The following SPINK5 variants were observed in gnomAD, a reference collection of about 807,000 sequenced individuals.
SPINK5 encodes serine peptidase inhibitor Kazal type 5.
Under a neutral mutation model 151.8 loss-of-function variants are expected in SPINK5, and 125 were observed. The observed-to-expected ratio is 0.82, with a 90% CI of 0.71 to 0.96. The LOEUF is 0.96. SPINK5 is among the 40% of genes least tolerant of loss of function. The probability of loss-of-function intolerance (pLI) is 0.00; values close to 1 mark genes in which losing one functional copy is unlikely to be tolerated. For missense variants in SPINK5, 1,194 were observed against 1,291.9 expected (o/e 0.92, Z 1.16); for synonymous variants, 374 against 395.3 (o/e 0.95, Z 0.64).
intron 9 of SPINK5, 98 bp downstream of exon 9, chr5:148,094,579 G>A (rs1581073601): frequency 6.3e-7 from 1 of 1,596,102 alleles, no homozygotes; most frequent in East Asian, 2.3e-5. Flanking sequence ...AAGCTTTGTT[G>A]TTGAGAACCA....
At chr5:148,114,797 G>A (rs139311494) in intron 21 of SPINK5, among the ~76,000 whole-genome samples, 1 of 151,988 alleles carries the variant, frequency 6.6e-6, no homozygotes, top group Non-Finnish European at 1.5e-5. Flanking sequence ...GGATTATCTC[G>A]CAACTCATGT....
intron 1 of SPINK5, among the ~76,000 whole-genome samples, chr5:148,064,697 T>C (rs1432841135): frequency 6.6e-6 from 1 of 152,104 alleles, no homozygotes; most frequent in Non-Finnish European, 1.5e-5. Flanking sequence ...CTTACGTTGC[T>C]CTGAAACATT....
At chr5:148,102,378 C>T (rs80254825) in intron 15 of SPINK5, among the ~76,000 whole-genome samples, 2,679 of 152,146 alleles carry the variant, frequency 0.018, 85 homozygotes, top group African/African-American at 0.061. Context: ...AAAAGTAAAT[C>T]GTAAATGTCC....
At chr5:148,135,853 C>A (rs1443830694) in intron 32 of SPINK5, among the ~76,000 whole-genome samples, 2 of 152,116 alleles carry the variant, frequency 1.3e-5, no homozygotes, top group African/African-American at 4.8e-5. Flanking sequence ...TATCTTGGAA[C>A]CCACTCTTTT....
intron 13 of SPINK5, among the ~76,000 whole-genome samples, chr5:148,100,914 G>A (rs1753624789): frequency 6.6e-6 from 1 of 152,186 alleles, no homozygotes. Flanking sequence ...CAGGTTCCAA[G>A]TGGATGCCAG....
chr5:148,121,829 A>G (rs544153960), intron 26 of SPINK5, among the ~76,000 whole-genome samples: 1 of 151,938 alleles, frequency 6.6e-6, no homozygotes, highest in Admixed American at 6.6e-5. Context: ...ATAGCCAGGC[A>G]TGATGGTGCA....
At chr5:148,120,766 G>T (rs140192747) in intron 26 of SPINK5, among the ~76,000 whole-genome samples, 10 of 152,204 alleles carry the variant, frequency 6.6e-5, no homozygotes, top group South Asian at 2.1e-4. Flanking sequence ...ATGAGCCATC[G>T]CACTCTGCTG....
intron 4 of SPINK5, 148 bp downstream of exon 4, chr5:148,072,368 G>T (rs1752762754): frequency 8.7e-6 from 7 of 800,474 alleles, no homozygotes. Context: ...CCAGGGGTGG[G>T]CTAAATATCT....
chr5:148,095,259 T>C (rs571461894), intron 9 of SPINK5, among the ~76,000 whole-genome samples: 5 of 152,008 alleles, frequency 3.3e-5, no homozygotes, highest in Non-Finnish European at 5.9e-5. Context: ...CAGTCTTTTC[T>C]ACCAGCCTCA....
intron 5 of SPINK5, 105 bp downstream of exon 5, chr5:148,086,637 A>T: frequency 1.4e-6 from 2 of 1,438,946 alleles, no homozygotes; most frequent in Non-Finnish European, 1.9e-6. Context: ...ATTATGTGGG[A>T]GTTAGCCATT....
At chr5:148,101,489 G>A (rs1753643516) in intron 14 of SPINK5, 53 bp downstream of exon 14, 3 of 1,392,124 alleles carry the variant, frequency 2.2e-6, no homozygotes, top group Admixed American at 1.7e-5. Context: ...AGGATCCACA[G>A]ATCATGTTCA....
intron 8 of SPINK5, among the ~76,000 whole-genome samples, chr5:148,091,541 C>CT (rs1210208335): frequency 6.6e-6 from 1 of 151,658 alleles, no homozygotes; most frequent in South Asian, 2.1e-4. Context: ...TAGCAGCCTT[C>CT]TTTTTGGTTT....
intron 25 of SPINK5, 39 bp downstream of exon 25, chr5:148,120,175 T>G (rs1754215715): frequency 6.2e-7 from 1 of 1,613,946 alleles, no homozygotes; most frequent in Non-Finnish European, 8.5e-7. Context: ...CTGTGAGTCT[T>G]AAAGTACAAT....
intron 26 of SPINK5, among the ~76,000 whole-genome samples, chr5:148,123,521 G>GTGTGTATATATA (rs1328976077): frequency 4.0e-5 from 1 of 25,016 alleles, no homozygotes; most frequent in African/African-American, 8.0e-5. Context: ...CAATATATGT[G>GTGTGTATATATA]TATATATATA....
intron 18 of SPINK5, among the ~76,000 whole-genome samples, chr5:148,111,526 T>A (rs1307356209): frequency 6.6e-6 from 1 of 152,202 alleles, no homozygotes; most frequent in Non-Finnish European, 1.5e-5. Context: ...TCTCTGTATC[T>A]TTCACAGTGC....
Position 148,125,773 on chromosome 5 carries a change from C to T in SPINK5, c.2790C>T (p.Cys930=). The change falls in exon 29 of 33, where the codon TGC becomes TGT. Residue 930 remains cysteine (C), a synonymous_variant. Transcript: ENST00000256084. ...RNYIRNNELI[C]PRENDPVHGA... is the part of the protein sequence containing the mutation. ...ATATAAGGAACAATGAACTCATCTG[C>T]CCTAGAGAGAATGACCCAGTGCACG... The T allele has an allele frequency of 6.2e-7, 1 of 1,614,158 alleles. No individual in the cohort carries two copies. Among genetic ancestry groups the T allele is most frequent in the Middle Eastern group, 1.6e-4 (1 of 6,062 alleles).
chr5:148,122,198 G>C (rs988386516), intron 26 of SPINK5, among the ~76,000 whole-genome samples: 1 of 152,086 alleles, frequency 6.6e-6, no homozygotes, highest in Non-Finnish European at 1.5e-5. Context: ...AAGAGCCAAA[G>C]ACTGAATTGG....
intron 12 of SPINK5, among the ~76,000 whole-genome samples, 165 bp from the exon 13 acceptor site, chr5:148,100,289 G>T (rs555677403): frequency 9.2e-5 from 14 of 152,128 alleles, no homozygotes; most frequent in Admixed American, 2.6e-4. Flanking sequence ...CTTGGCATAT[G>T]ATGTTTTTCT....
rs1309309448 is a variant in SPINK5 at position 148,101,909 on chromosome 5, G to T, written c.1430+1G>T. ...CCTGCTCCATGTGTGAGGCCTTCTT[G>T]TGAGTAGAGCAGTAGCCCCATAGCG... On this transcript the variant is annotated splice_donor_variant, in intron 15 of 32. Transcript: ENST00000256084. LOFTEE classifies it high-confidence loss of function. 1 of 1,613,542 alleles carries T rather than the reference G, an allele frequency of 6.2e-7. No homozygotes were observed.
Sources: gnomAD v4.1 joint callset for allele counts (sites outside exome capture counted in the v4.1 genomes callset) on GRCh38, gnomAD v4.1.1 for gene constraint, MANE v1.5 for transcripts, NCBI Gene and HGNC (gene_info 2026-07-23, HGNC 2026-07-21) for gene names.